Variants in AHCYL2 observed in about 807,000 individuals in gnomAD.
AHCYL2 encodes adenosylhomocysteinase like 2, also known as S-adenosylhomocysteine hydrolase-like protein 2.
In AHCYL2, 28 loss-of-function variants were observed where a neutral mutation model predicts 81.4. The observed-to-expected ratio is 0.34, with a 90% CI of 0.25 to 0.47. AHCYL2 has a LOEUF of 0.47. Among genes scored for constraint, AHCYL2 ranks in the 20% least tolerant of loss-of-function variants. The pLI, the probability that AHCYL2 is intolerant of heterozygous loss-of-function variation, is 1.00. For synonymous variants in AHCYL2, 272 were observed against 290.2 expected, an observed-to-expected ratio of 0.94 and a Z score of 0.64; for missense variants, 551 against 785.1, an observed-to-expected ratio of 0.70 and a Z score of 3.56.
chr7:129,319,747 C>T (rs896027567), intron 1 of AHCYL2, among the ~76,000 whole-genome samples: 2 of 152,194 alleles, frequency 1.3e-5, no homozygotes, highest in African/African-American at 2.4e-5. Flanking sequence ...CGTTACAGCA[C>T]GTATCAATAG....
intron 4 of AHCYL2, among the ~76,000 whole-genome samples, chr7:129,390,754 A>G (rs1795428590): frequency 6.6e-6 from 1 of 151,874 alleles, no homozygotes; most frequent in Non-Finnish European, 1.5e-5. Context: ...CCTCCAGGAT[A>G]CTCCATCGTG....
At position 129,300,376 on chromosome 7, in the gene AHCYL2, A is replaced by G. The variant is rs149799584; in HGVS notation, c.363+74937A>G. On this transcript the variant is annotated intron_variant, in intron 1 of 16. Coordinates refer to ENST00000325006, the MANE Select transcript of AHCYL2 (RefSeq NM_015328.4). ...TTCTTTTAATTTTTATCTCCCAGAA[A>G]TAGGTGAGAATATGCAAAGTTTGTC... Among the ~76,000 whole-genome samples, 1,151 of 152,252 alleles carry G rather than the reference A, an allele frequency of 7.6e-3. 15 individuals are homozygous for G. The highest frequency in any genetic ancestry group is 0.026 in the African/African-American group (1,073 of 41,520).
chr7:129,267,140 T>C (rs886927929), intron 1 of AHCYL2, among the ~76,000 whole-genome samples: 1 of 151,914 alleles, frequency 6.6e-6, no homozygotes, highest in South Asian at 2.1e-4. Context: ...ATCACACAAA[T>C]AGAAAATCTG....
chr7:129,412,185 C>CA (rs977990278), intron 11 of AHCYL2, among the ~76,000 whole-genome samples: 1 of 150,340 alleles, frequency 6.7e-6, no homozygotes, highest in African/African-American at 2.4e-5. Flanking sequence ...CTGTCTCTAC[C>CA]AAAAAAAATA....
At chr7:129,402,490 T>C (rs777200397) in intron 6 of AHCYL2, among the ~76,000 whole-genome samples, 3 of 152,198 alleles carry the variant, frequency 2.0e-5, no homozygotes, top group Non-Finnish European at 2.9e-5. Flanking sequence ...TGTGGGACTT[T>C]CCAGGAGGAT....
At position 129,315,348 on chromosome 7, in the gene AHCYL2, C is replaced by G. The variant is rs539449746; in HGVS notation, c.364-64290C>G. Among the ~76,000 whole-genome samples the G allele has an allele frequency of 3.3e-5, 5 of 152,278 alleles. No individual in the cohort carries two copies. The East Asian group carries it at 9.6e-4, about 29-fold the overall frequency. ...TCCAGTACCTTGGTTCTTTCCTAATCCCCTACTGTCCTGTGCTGCCATTTC... is the reference window on the plus strand; with the variant it reads ...TCCAGTACCTTGGTTCTTTCCTAATGCCCTACTGTCCTGTGCTGCCATTTC... On this transcript the variant is annotated intron_variant, in intron 1 of 16. Coordinates refer to ENST00000325006, the MANE Select transcript of AHCYL2 (RefSeq NM_015328.4).
At chr7:129,410,026 G>A in intron 11 of AHCYL2, 2 of 817,054 alleles carry the variant, frequency 2.4e-6, no homozygotes, top group South Asian at 1.8e-5. Context: ...CTGCTTGACT[G>A]CAAGCACTCA....
At chr7:129,263,378 C>G (rs1345357651) in intron 1 of AHCYL2, among the ~76,000 whole-genome samples, 2 of 152,190 alleles carry the variant, frequency 1.3e-5, no homozygotes, top group Admixed American at 6.5e-5. Flanking sequence ...TTGGCTAAAG[C>G]AAGTCATGTG....
In AHCYL2 at chr7:129,368,458, C is replaced by G; in HGVS notation, c.364-11180C>G. ...CCCAGTATTTCCAAACCAGCTTTCC[C>G]TTTTGCTTCAGGACATATCTTACCC... On this transcript the variant is annotated intron_variant, in intron 1 of 16. Transcript: ENST00000325006. The surrounding 1 kb of genome is among the most constrained non-coding windows in gnomAD (Gnocchi z 4.4). The G allele has an allele frequency of 6.2e-7, 1 of 1,613,840 alleles. No individual in the cohort carries two copies. Among genetic ancestry groups the G allele is most frequent in the Non-Finnish European group, 8.5e-7 (1 of 1,179,794 alleles).
At chr7:129,423,469 T>C (rs557027999) in intron 13 of AHCYL2, among the ~76,000 whole-genome samples, 2 of 152,332 alleles carry the variant, frequency 1.3e-5, no homozygotes, top group Non-Finnish European at 2.9e-5. Flanking sequence ...CTAGCTCACA[T>C]TGACACTATT....
Position 129,358,068 on chromosome 7 carries a change from G to A in AHCYL2, c.364-21570G>A, listed in dbSNP as rs1020753283. Among the ~76,000 whole-genome samples the A allele has an allele frequency of 3.7e-4, 57 of 152,036 alleles. 1 individual carries two copies. The highest frequency in any genetic ancestry group is 3.1e-4 in the Non-Finnish European group (21 of 67,972). ...ACAGATGAATGGATAAACAAAATGT[G>A]GCATAGACATAAAATGGAATATTAT... On this transcript the variant is annotated intron_variant, in intron 1 of 16. Transcript: ENST00000325006.
At chr7:129,288,560 A>G (rs1375079139) in intron 1 of AHCYL2, among the ~76,000 whole-genome samples, 1 of 150,738 alleles carries the variant, frequency 6.6e-6, no homozygotes, top group Non-Finnish European at 1.5e-5. Context: ...GGGTCTCATC[A>G]TATTGGCCAG....
intron 1 of AHCYL2, among the ~76,000 whole-genome samples, chr7:129,304,439 A>G (rs552473913): frequency 6.6e-6 from 1 of 152,174 alleles, no homozygotes; most frequent in East Asian, 1.9e-4. Flanking sequence ...TTCTTTGTTG[A>G]TTTTCTGTCT....
chr7:129,365,736 TG>T (rs1400474426), intron 1 of AHCYL2, among the ~76,000 whole-genome samples: 2 of 149,916 alleles, frequency 1.3e-5, no homozygotes, highest in South Asian at 2.1e-4. Context: ...AAAGGTTTGG[TG>T]GAGGAGGGCA....
At chr7:129,239,180 T>C (rs764695430) in intron 1 of AHCYL2, among the ~76,000 whole-genome samples, 5 of 152,176 alleles carry the variant, frequency 3.3e-5, no homozygotes, top group Non-Finnish European at 4.4e-5. Context: ...AAAATCTATA[T>C]GGGAGGTCTA....
chr7:129,306,834 C>G (rs1318663828), intron 1 of AHCYL2, among the ~76,000 whole-genome samples: 1 of 152,208 alleles, frequency 6.6e-6, no homozygotes, highest in Non-Finnish European at 1.5e-5. Context: ...CCCAGTAATG[C>G]TGTAGTTCAT....
intron 1 of AHCYL2, among the ~76,000 whole-genome samples, chr7:129,345,448 C>G (rs927169131): frequency 6.6e-6 from 1 of 152,098 alleles, no homozygotes; most frequent in African/African-American, 2.4e-5. Flanking sequence ...AATATGAAAC[C>G]TGTCAGCTTA....
chr7:129,284,564 A>C (rs1796560224), intron 1 of AHCYL2, among the ~76,000 whole-genome samples: 1 of 147,790 alleles, frequency 6.8e-6, no homozygotes, highest in Non-Finnish European at 1.5e-5. Context: ...GCACCACTGC[A>C]CTCCAGCCTA....
At chr7:129,366,917 A>G (rs1322477582) in intron 1 of AHCYL2, among the ~76,000 whole-genome samples, 2 of 152,214 alleles carry the variant, frequency 1.3e-5, no homozygotes, top group Non-Finnish European at 2.9e-5. Context: ...TTAAGGGGAC[A>G]TGAGACATCA....
Sources: gnomAD v4.1 joint callset for allele counts (sites outside exome capture counted in the v4.1 genomes callset) on GRCh38, gnomAD v4.1.1 for gene constraint, Gnocchi (gnomAD v3.1) non-coding constraint, MANE v1.5 for transcripts, NCBI Gene and HGNC (gene_info 2026-07-23, HGNC 2026-07-21) for gene names.